TRPV3: variants seen among roughly 807,000 people sequenced by gnomAD.
TRPV3 encodes the protein transient receptor potential cation channel subfamily V member 3.
TRPV3 carries 88 observed loss-of-function variants against 87.1 expected under a neutral mutation model. The observed-to-expected ratio is 1.01, with a 90% CI of 0.85 to 1.21. The LOEUF is 1.21. Among genes scored for constraint, TRPV3 ranks in the 50% most tolerant of loss-of-function variants. The probability of loss-of-function intolerance (pLI) is 0.00; values close to 1 mark genes in which losing one functional copy is unlikely to be tolerated. For missense variants in TRPV3, 1,054 were observed against 1,030.1 expected, an observed-to-expected ratio of 1.02 and a Z score of -0.32; for synonymous variants, 438 against 423.3, an observed-to-expected ratio of 1.03 and a Z score of -0.43.
At chr17:3,541,622 CTG>C (rs1361860156) in intron 6 of TRPV3, among the ~76,000 whole-genome samples, 3 of 152,182 alleles carry the variant, frequency 2.0e-5, no homozygotes, top group Non-Finnish European at 1.5e-5. Context: ...ATCCACAAAA[CTG>C]AGACCCAAAT....
rs59021941 is a variant in TRPV3 at position 3,546,967 on chromosome 17, C to CAAA, written c.120-1699_120-1697dup. Among the ~76,000 whole-genome samples the CAAA allele has an allele frequency of 1.1e-4, 13 of 123,598 alleles. 2 individuals are homozygous for CAAA. Among genetic ancestry groups the CAAA allele is most frequent in the African/African-American group, 3.5e-4 (10 of 28,520 alleles). 81.1% of individuals were successfully genotyped at this position (123,598 alleles called of 152,430 possible). On this transcript the variant is annotated intron_variant, in intron 2 of 17. Coordinates refer to ENST00000576742, the MANE Select transcript of TRPV3 (RefSeq NM_145068.4). ...TGAGTAACAGAGCGGGACTCCTTCT[C>CAAA]AAAAAAAAAAAACTGGGTCTGGGTG...
chr17:3,522,447 T>C (rs1777823908), intron 13 of TRPV3, among the ~76,000 whole-genome samples: 1 of 152,230 alleles, frequency 6.6e-6, no homozygotes, highest in African/African-American at 2.4e-5. Flanking sequence ...AGTATATTGT[T>C]ATCATTGTTC....
In TRPV3 at chr17:3,513,835, C is replaced by G; in HGVS notation, c.*82G>C. 1 of 1,253,910 alleles carries G rather than the reference C, an allele frequency of 8.0e-7. No individual in the cohort carries two copies. Among genetic ancestry groups the G allele is most frequent in the Non-Finnish European group, 1.2e-6 (1 of 867,930 alleles). The allele number at this position is 1,253,910 out of a possible 1,614,324, so 77.7% of individuals were successfully genotyped here. On this transcript the variant is annotated 3_prime_UTR_variant, in exon 18 of 18. Transcript: ENST00000576742. The stretch of plus-strand genomic sequence containing the variant: ...CCAGCAGAGCCGGACTCCACCATCC[C>G]TCAAAGCCTCTCTGCACAGAGTCGG...
At chr17:3,525,234 G>A (rs1264605085) in intron 12 of TRPV3, among the ~76,000 whole-genome samples, 1 of 152,176 alleles carries the variant, frequency 6.6e-6, no homozygotes, top group East Asian at 1.9e-4. Flanking sequence ...TGGCCAGGCT[G>A]GTCTCGAACT....
In TRPV3 at chr17:3,528,824, G is replaced by A. The variant is rs753634420; in HGVS notation, c.1401+13C>T. The A allele has an allele frequency of 6.2e-7, 1 of 1,613,960 alleles. No homozygotes were observed. Among genetic ancestry groups the A allele is most frequent in the Admixed American group, 1.7e-5 (1 of 60,010 alleles). On this transcript the variant is annotated intron_variant, in intron 10 of 17. Transcript: ENST00000576742. The surrounding 1 kb of genome is among the most constrained non-coding windows in gnomAD (Gnocchi z 4.2). Reference sequence around the variant, plus strand: ...TGACGGCCCCATTTTCCCCCTCCAAGGGGCCCACGTACCTCCTCCTCCCGG... The same window carrying A: ...TGACGGCCCCATTTTCCCCCTCCAAAGGGCCCACGTACCTCCTCCTCCCGG...
At chr17:3,544,530 C>T in intron 4 of TRPV3, 49 bp downstream of exon 4, 5 of 1,251,744 alleles carry the variant, frequency 4.0e-6, no homozygotes, top group South Asian at 1.3e-5. Flanking sequence ...CTCTCTGGCA[C>T]CCCCAGCCTG....
chr17:3,542,893 CTG>C (rs750606264), intron 5 of TRPV3, among the ~76,000 whole-genome samples, 195 bp from the exon 6 acceptor site: 6 of 152,108 alleles, frequency 3.9e-5, no homozygotes, highest in Non-Finnish European at 8.8e-5. Flanking sequence ...TCCTTGCTCT[CTG>C]TGGCCCATGG....
At chr17:3,540,675 G>A (rs574141397) in intron 6 of TRPV3, among the ~76,000 whole-genome samples, 6 of 152,196 alleles carry the variant, frequency 3.9e-5, no homozygotes, top group African/African-American at 9.7e-5. Flanking sequence ...AGGGTAGTTC[G>A]TAAGTCCTAC....
intron 6 of TRPV3, among the ~76,000 whole-genome samples, chr17:3,536,761 G>A (rs915125785): frequency 1.3e-5 from 2 of 152,142 alleles, no homozygotes; most frequent in African/African-American, 4.8e-5. Flanking sequence ...CAGCCCTGGC[G>A]GTGGGTGAAT....
chr17:3,543,859 T>A (rs1597487893), intron 4 of TRPV3, among the ~76,000 whole-genome samples: 1 of 152,216 alleles, frequency 6.6e-6, no homozygotes, highest in South Asian at 2.1e-4. Flanking sequence ...GAAGTAATGA[T>A]CAGGAAGGAT....
chr17:3,533,417 G>A (rs1597479934), intron 7 of TRPV3, among the ~76,000 whole-genome samples: 1 of 151,710 alleles, frequency 6.6e-6, no homozygotes, highest in African/African-American at 2.4e-5. Context: ...CTTTCAGTGA[G>A]CCACCCTAAC....
chr17:3,522,697 G>C (rs138388127), intron 13 of TRPV3, among the ~76,000 whole-genome samples: 1 of 151,544 alleles, frequency 6.6e-6, no homozygotes, highest in Non-Finnish European at 1.5e-5. Context: ...CATGCCTGTA[G>C]TCCCAGCTAC....
At chr17:3,527,033 C>T (rs2150787331) in intron 11 of TRPV3, 106 bp from the exon 12 acceptor site, 2 of 856,690 alleles carry the variant, frequency 2.3e-6, no homozygotes, top group Non-Finnish European at 3.8e-6. Flanking sequence ...GGGTTGAATG[C>T]ACAAAGGCCC....
chr17:3,547,185 A>G (rs2074535021), intron 2 of TRPV3, among the ~76,000 whole-genome samples: 1 of 152,146 alleles, frequency 6.6e-6, no homozygotes. Context: ...CTGAAGTCAG[A>G]CGCCTTCTGA....
At position 3,513,760 on chromosome 17, in the gene TRPV3, G is replaced by A; in HGVS notation, c.*157C>T. The stretch of plus-strand genomic sequence containing the variant: ...CAGACAAATTGACAACTGCCCCTCA[G>A]TTCAGACACCCACTGAGCACTGAGC... On this transcript the variant is annotated 3_prime_UTR_variant, in exon 18 of 18. Coordinates refer to ENST00000576742, the MANE Select transcript of TRPV3 (RefSeq NM_145068.4). The A allele has an allele frequency of 1.7e-6, 1 of 593,800 alleles. No individual in the cohort carries two copies. The highest frequency in any genetic ancestry group is 2.5e-5 in the South Asian group (1 of 40,748). The allele number at this position is 593,800 out of a possible 1,614,324, so 36.8% of individuals were successfully genotyped here.
chr17:3,544,660 G>A lies in TRPV3; in HGVS notation c.230C>T (p.Ser77Phe), dbSNP rs2074505710. The A allele has an allele frequency of 8.7e-6, 14 of 1,608,832 alleles. No homozygotes were observed. The highest frequency in any genetic ancestry group is 1.2e-5 in the Non-Finnish European group (14 of 1,178,706). ...GGAGTCCATGTCATCACAGTTACCA[G>A]AGATGCTGGAGGTGTTGGCAGGGGG... is the stretch of plus-strand genomic sequence containing the variant. ...PMDSNIRQCI[S>F]GNCDDMDSPQ... is the part of the protein sequence containing the mutation. The change falls in exon 4 of 18, where the codon TCT becomes TTT. Residue 77 changes from serine (S) to phenylalanine (F), a missense_variant. Transcript: ENST00000576742.
rs145270018 is a variant in TRPV3, at chr17:3,527,508, C to T, written c.1503+517G>A. On this transcript the variant is annotated intron_variant, in intron 11 of 17. Coordinates refer to ENST00000576742, the MANE Select transcript of TRPV3 (RefSeq NM_145068.4). ...GCTGTGAATTCAAAGAGGGCAAACT[C>T]GTCCCAACCCTGTCACCTCCTCCAG... Among the ~76,000 whole-genome samples, 9 of 152,304 alleles carry T rather than the reference C, an allele frequency of 5.9e-5. 1 individual carries two copies. The highest frequency in any genetic ancestry group is 8.8e-5 in the Non-Finnish European group (6 of 68,030).
rs558257072 is a variant in TRPV3, at chr17:3,528,729, C to T, written c.1401+108G>A. On this transcript the variant is annotated intron_variant, in intron 10 of 17. Coordinates refer to ENST00000576742, the MANE Select transcript of TRPV3 (RefSeq NM_145068.4). The surrounding 1 kb of genome is among the most constrained non-coding windows in gnomAD (Gnocchi z 4.2). ...TGAAGGACAACTGGGGGACCCCGCC[C>T]AATCTCCTGGTCTCTCTGGGCCTCA... The T allele has an allele frequency of 1.0e-5, 14 of 1,353,316 alleles. No homozygotes were observed. Among genetic ancestry groups the T allele is most frequent in the Non-Finnish European group, 1.4e-5 (14 of 988,958 alleles). The allele number at this position is 1,353,316 out of a possible 1,614,324, so 83.8% of individuals were successfully genotyped here. A position where few individuals can be genotyped will look rare whatever the true frequency, so the allele number is the denominator to read the frequency against.
In TRPV3 at chr17:3,535,621, T is replaced by G. The variant is rs1355064005; in HGVS notation, c.736A>C (p.Lys246Gln). Residue 246 changes from lysine (K) to glutamine (Q), a missense_variant, in exon 7 of 18, where the codon AAG (lysine) becomes CAG (glutamine). Lys to Gln is a moderately conservative substitution (Grantham distance 53, BLOSUM62 1). Coordinates refer to ENST00000576742, the MANE Select transcript of TRPV3 (RefSeq NM_145068.4). Reference protein sequence around the residue: ...AAGADVNAHAKGAFFNPKYQH... With the variant: ...AAGADVNAHAQGAFFNPKYQH... ...TACTTGGGGTTGAAGAAGGCCCCCT[T>G]GGCGTGCGCGTTGACGTCGGCGCCG... is the stretch of plus-strand genomic sequence containing the variant. The G allele has an allele frequency of 6.8e-6, 11 of 1,609,670 alleles. No individual in the cohort carries two copies. Among genetic ancestry groups the G allele is most frequent in the Non-Finnish European group, 8.5e-6 (10 of 1,178,746 alleles).
Sources: allele counts gnomAD v4.1 joint callset (sites outside exome capture counted in the v4.1 genomes callset), GRCh38; gene constraint gnomAD v4.1.1; non-coding constraint Gnocchi (gnomAD v3.1); transcripts MANE v1.5; gene names NCBI Gene and HGNC (gene_info 2026-07-23, HGNC 2026-07-21).